BPI: variants seen among roughly 807,000 people sequenced by gnomAD.
The protein encoded by BPI is bactericidal permeability-increasing protein.
BPI carries 48 observed loss-of-function variants against 57.6 expected under a neutral mutation model. The observed-to-expected ratio is 0.83, with a 90% CI of 0.66 to 1.06. BPI has a LOEUF of 1.06. Among genes scored for constraint, BPI ranks in the 50% least tolerant of loss-of-function variants. The pLI is 0.00. For synonymous variants in BPI, 237 were observed against 238.2 expected (o/e 0.99, Z 0.05); for missense variants, 651 against 609.7 (o/e 1.07, Z -0.71).
At chr20:38,315,405 G>C (rs1258496925) in intron 5 of BPI, among the ~76,000 whole-genome samples, 1 of 152,234 alleles carries the variant, frequency 6.6e-6, no homozygotes, top group East Asian at 1.9e-4. Flanking sequence ...TGTAGGGCTG[G>C]TGTCTGAGGG....
intron 6 of BPI, chr20:38,319,924 C>A: frequency 2.0e-6 from 1 of 491,054 alleles, no homozygotes; most frequent in Admixed American, 3.4e-5. Flanking sequence ...GCCTAGGTCT[C>A]TCTGTGCCCT....
chr20:38,321,159 G>T (rs1457587882), intron 7 of BPI, among the ~76,000 whole-genome samples: 1 of 137,212 alleles, frequency 7.3e-6, no homozygotes. Flanking sequence ...ATGGATGGAT[G>T]GATGGATGGA....
At chr20:38,326,548 C>G (rs2076714571) in intron 10 of BPI, 116 bp downstream of exon 10, 2 of 1,276,418 alleles carry the variant, frequency 1.6e-6, no homozygotes, top group Admixed American at 3.3e-5. Context: ...CTGTGTCACT[C>G]CGGAGCCTGA....
chr20:38,310,625 A>G lies in BPI; in HGVS notation c.509A>G (p.His170Arg). The part of the protein sequence containing the change: ...SSCSSHINSV[H>R]VHISKSKVGW... ...TGCAGCAGCCACATCAACAGTGTCC[A>G]CGTGCACATCTCAAAGAGCAAAGTG... The change falls in exon 4 of 15, where the codon CAC (histidine) becomes CGC (arginine). Residue 170 changes from histidine to arginine, a missense_variant. Coordinates refer to ENST00000642449, the MANE Select transcript of BPI (RefSeq NM_001725.3). 4 of 1,613,800 alleles carry G rather than the reference A, an allele frequency of 2.5e-6. No homozygotes were observed. The highest frequency in any genetic ancestry group is 3.4e-6 in the Non-Finnish European group (4 of 1,179,802).
intron 7 of BPI, 54 bp downstream of exon 7, chr20:38,320,328 A>G (rs1344699556): frequency 2.6e-6 from 4 of 1,511,800 alleles, no homozygotes; most frequent in Non-Finnish European, 3.7e-6. Flanking sequence ...CAGACACTCC[A>G]GGGCTCCCCA....
At chr20:38,335,774 G>GCCTTCTA in intron 14 of BPI, 100 bp downstream of exon 14, 1 of 1,191,060 alleles carries the variant, frequency 8.4e-7, no homozygotes, top group Middle Eastern at 1.9e-4. Flanking sequence ...TGTGTGAAGC[G>GCCTTCTA]CCTTCTACCC....
intron 7 of BPI, among the ~76,000 whole-genome samples, chr20:38,321,064 G>A (rs1398942732): frequency 1.0e-4 from 1 of 9,858 alleles, no homozygotes; most frequent in Non-Finnish European, 2.2e-4. Context: ...AAGGTAGGTG[G>A]GTGGGTGGGT....
intron 5 of BPI, 25 bp from the exon 6 acceptor site, chr20:38,318,388 T>C: frequency 6.2e-7 from 1 of 1,600,568 alleles, no homozygotes; most frequent in South Asian, 1.1e-5. Flanking sequence ...AAGACCTTAC[T>C]GATTACTTGT....
intron 12 of BPI, among the ~76,000 whole-genome samples, chr20:38,331,448 AT>A (rs1221429706): frequency 3.9e-5 from 6 of 152,182 alleles, no homozygotes; most frequent in Admixed American, 3.9e-4. Context: ...TTGAGCACCT[AT>A]TATGTGCCAA....
At position 38,326,268 on chromosome 20, in the gene BPI, G is replaced by A. The variant is rs137967923; in HGVS notation, c.997G>A (p.Ala333Thr). ...KFFGTFLPEV[A>T]KKFPNMKIQI... is the part of the protein sequence containing the mutation. ...TTGTCTCCACTGGGGGCTGCAGGTG[G>A]CCAAGAAGTTTCCCAACATGAAGAT... is the stretch of plus-strand genomic sequence containing the variant. The change falls in exon 10 of 15, where the codon GCC (alanine) becomes ACC (threonine). Residue 333 changes from alanine (A) to threonine (T), a missense_variant. Coordinates refer to ENST00000642449, the MANE Select transcript of BPI (RefSeq NM_001725.3). 5,144 of 1,611,370 alleles carry A rather than the reference G, an allele frequency of 3.2e-3. 16 individuals are homozygous for A. The highest frequency in any genetic ancestry group is 4.8e-3 in the Middle Eastern group (29 of 6,046).
rs1252812322 is a variant in BPI at position 38,326,424 on chromosome 20, A to C, written c.1153A>C (p.Ile385Leu). The change falls in exon 10 of 15, where the codon ATT becomes CTT. Residue 385 changes from isoleucine (I) to leucine (L), a missense_variant. Ile to Leu is a conservative substitution (Grantham distance 5, BLOSUM62 2). Coordinates refer to ENST00000642449, the MANE Select transcript of BPI (RefSeq NM_001725.3). ...CTCCTCCCTGGCTTCCCTCTTCCTG[A>C]TTGGCATGGTAAGCAGTTCCTGGGT... ...PNSSLASLFL[I>L]GMHTTGSMEV... The C allele has an allele frequency of 6.2e-7, 1 of 1,613,120 alleles. No homozygotes were observed. The highest frequency in any genetic ancestry group is 8.5e-7 in the Non-Finnish European group (1 of 1,179,570).
At chr20:38,330,673 G>T (rs964751623) in intron 11 of BPI, among the ~76,000 whole-genome samples, 4 of 152,188 alleles carry the variant, frequency 2.6e-5, no homozygotes, top group Non-Finnish European at 5.9e-5. Context: ...GTCACCAGGA[G>T]CTTCCTTATT....
At chr20:38,315,732 T>C (rs2076648588) in intron 5 of BPI, among the ~76,000 whole-genome samples, 1 of 152,042 alleles carries the variant, frequency 6.6e-6, no homozygotes, top group Admixed American at 6.5e-5. Flanking sequence ...CTTCCCTCCT[T>C]CTCACTGCTG....
At chr20:38,311,502 T>C (rs1028058288) in intron 4 of BPI, among the ~76,000 whole-genome samples, 15 of 152,048 alleles carry the variant, frequency 9.9e-5, no homozygotes, top group Admixed American at 3.9e-4. Context: ...TAGGCATTAG[T>C]TAGGGAGGTG....
At chr20:38,326,934 TC>T in intron 10 of BPI, among the ~76,000 whole-genome samples, 1 of 152,256 alleles carries the variant, frequency 6.6e-6, no homozygotes, top group Non-Finnish European at 1.5e-5. Flanking sequence ...CATTTATTCG[TC>T]CATCATTTAT....
chr20:38,334,394 G>T lies in BPI; in HGVS notation c.1273-36G>T, dbSNP rs778816921. 2.5e-6 allele frequency: 4 copies of T among 1,591,196 alleles called. No homozygotes were observed. In the East Asian group the frequency reaches 6.7e-5, roughly 27 times the overall value. On this transcript the variant is annotated intron_variant, in intron 12 of 14. Transcript: ENST00000642449. ...GCTGGACCCGCAAGGTTCTGGCGAT[G>T]CAGGGCCATCCTCCCATCCTCCCTC...
At chr20:38,326,780 T>C (rs989834780) in intron 10 of BPI, among the ~76,000 whole-genome samples, 1 of 152,248 alleles carries the variant, frequency 6.6e-6, no homozygotes. Context: ...TGTTCATTCA[T>C]TCAATTATTA....
chr20:38,322,402 C>T (rs938831112), intron 7 of BPI, among the ~76,000 whole-genome samples: 11 of 152,312 alleles, frequency 7.2e-5, no homozygotes, highest in African/African-American at 2.4e-4. Flanking sequence ...TTGTTTATCT[C>T]CTGGGCTCCT....
chr20:38,317,688 G>GT (rs1432603477), intron 5 of BPI: 1 of 844,880 alleles, frequency 1.2e-6, no homozygotes, highest in African/African-American at 1.7e-5. Flanking sequence ...CCATCTCTTG[G>GT]TGGGGGTGTG....
Sources: gnomAD v4.1 joint callset for allele counts (sites outside exome capture counted in the v4.1 genomes callset) on GRCh38, gnomAD v4.1.1 for gene constraint, MANE v1.5 for transcripts, NCBI Gene and HGNC (gene_info 2026-07-23, HGNC 2026-07-21) for gene names.